Variants in PCDHGB3 observed in about 807,000 individuals in gnomAD.
PCDHGB3 encodes protocadherin gamma-B3.
PCDHGB3 carries 40 observed loss-of-function variants against 59.2 expected under a neutral mutation model. The observed-to-expected ratio is 0.68, with a 90% CI of 0.52 to 0.88. The LOEUF is 0.88. PCDHGB3 is among the 40% of genes least tolerant of loss of function. PCDHGB3 has a pLI of 0.00. For synonymous variants in PCDHGB3, 581 were observed against 503.6 expected (o/e 1.15, Z -2.06); for missense variants, 1,309 against 1,187.9 (o/e 1.10, Z -1.50).
intron 1 of PCDHGB3, chr5:141,393,407 CG>C: frequency 5.0e-6 from 8 of 1,614,056 alleles, no homozygotes; most frequent in Non-Finnish European, 6.8e-6. Context: ...TGCTGGAGCG[CG>C]CCCTGGACAG....
Position 141,486,484 on chromosome 5 carries a change from C to A in PCDHGB3, c.2416-8323C>A. On this transcript the variant is annotated intron_variant, in intron 1 of 3. Transcript: ENST00000576222. This position sits in a 1 kb window ranked among gnomAD's most constrained non-coding sequence, Gnocchi z 5.0. ...ATGCTGGGAACCCTCCTCTCAGTAC[C>A]CACAGAACTATTTTCCTCAATATTT... is the stretch of plus-strand genomic sequence containing the variant. 5 of 1,614,102 alleles carry A rather than the reference C, an allele frequency of 3.1e-6. No homozygotes were observed. Among genetic ancestry groups the A allele is most frequent in the Non-Finnish European group, 4.2e-6 (5 of 1,179,930 alleles).
chr5:141,460,995 A>ATG lies in PCDHGB3; in HGVS notation c.2416-33808_2416-33807dup, dbSNP rs1561986931. Among the ~76,000 whole-genome samples the ATG allele has an allele frequency of 5.3e-5, 8 of 150,188 alleles. No homozygotes were observed. The East Asian group carries it at 1.4e-3, about 26-fold the overall frequency. On this transcript the variant is annotated intron_variant, in intron 1 of 3. Transcript: ENST00000576222. ...TGTGTGTGTGTGTGTATATATATAT[A>ATG]TGTGTATATATATATACCACATTTT...
chr5:141,497,148 A>G (rs1436451953), intron 2 of PCDHGB3, among the ~76,000 whole-genome samples: 1 of 152,122 alleles, frequency 6.6e-6, no homozygotes, highest in Non-Finnish European at 1.5e-5. Context: ...ATCACGAAAA[A>G]AAAATAATCT....
At chr5:141,426,029 A>G (rs576464127) in intron 1 of PCDHGB3, among the ~76,000 whole-genome samples, 13 of 152,216 alleles carry the variant, frequency 8.5e-5, no homozygotes, top group Non-Finnish European at 1.9e-4. Flanking sequence ...AAATAGACTC[A>G]GAGCCCTGCT....
chr5:141,419,741 A>C (rs769795920), intron 1 of PCDHGB3: 2 of 1,613,856 alleles, frequency 1.2e-6, no homozygotes, highest in Admixed American at 1.7e-5. Context: ...CGAGGTGCGC[A>C]TGGTGCGTGC....
At position 141,393,369 on chromosome 5, in the gene PCDHGB3, G is replaced by A. The variant is rs748036677; in HGVS notation, c.2415+20560G>A. 19 of 1,613,962 alleles carry A rather than the reference G, an allele frequency of 1.2e-5. No homozygotes were observed. In the South Asian group the frequency reaches 2.0e-4, roughly 17 times the overall value. Reference sequence around the variant, plus strand: ...CTTCTCCCTGGACGTGCAGACTGGAGACAATGGAGCCATAAACCCAGAGCT... The same window carrying A: ...CTTCTCCCTGGACGTGCAGACTGGAAACAATGGAGCCATAAACCCAGAGCT... On this transcript the variant is annotated intron_variant, in intron 1 of 3. Coordinates refer to ENST00000576222, the MANE Select transcript of PCDHGB3 (RefSeq NM_018924.5).
At chr5:141,423,398 G>T in intron 1 of PCDHGB3, 7 of 1,614,172 alleles carry the variant, frequency 4.3e-6, no homozygotes, top group Non-Finnish European at 5.9e-6. Flanking sequence ...CATAAGTCAC[G>T]CCTGCTGCAG....
rs746903142 is a variant in PCDHGB3, at chr5:141,491,667, G to T, written c.2416-3140G>T. ...TGGCGCTGGAGCCTGACGCCATCCG[G>T]TCCCGCTCTAATACGCTGCGGGAGC... On this transcript the variant is annotated intron_variant, in intron 1 of 3. Coordinates refer to ENST00000576222, the MANE Select transcript of PCDHGB3 (RefSeq NM_018924.5). The surrounding 1 kb of genome is among the most constrained non-coding windows in gnomAD (Gnocchi z 6.9). 1.9e-6 allele frequency: 3 copies of T among 1,613,794 alleles called. No individual in the cohort carries two copies. Among genetic ancestry groups the T allele is most frequent in the Admixed American group, 1.7e-5 (1 of 60,032 alleles).
intron 1 of PCDHGB3, among the ~76,000 whole-genome samples, chr5:141,401,851 T>C (rs902809229): frequency 3.9e-5 from 6 of 152,242 alleles, no homozygotes; most frequent in African/African-American, 1.4e-4. Context: ...CACTTACTTT[T>C]AACCTTTCAG....
At chr5:141,381,342 T>C (rs931867398) in intron 1 of PCDHGB3, among the ~76,000 whole-genome samples, 3 of 152,254 alleles carry the variant, frequency 2.0e-5, no homozygotes, top group Non-Finnish European at 4.4e-5. Context: ...GAGCTTTCTT[T>C]TCTTTCTGCT....
chr5:141,434,092 A>C (rs1333686339), intron 1 of PCDHGB3, among the ~76,000 whole-genome samples: 1 of 152,172 alleles, frequency 6.6e-6, no homozygotes, highest in Non-Finnish European at 1.5e-5. Context: ...TTTGATGCTG[A>C]AATTGTCCCA....
chr5:141,447,824 G>T (rs926580893), intron 1 of PCDHGB3, among the ~76,000 whole-genome samples: 2 of 152,034 alleles, frequency 1.3e-5, no homozygotes, highest in Non-Finnish European at 2.9e-5. Context: ...GGTGGCTCAC[G>T]CCTGTAATCC....
intron 3 of PCDHGB3, among the ~76,000 whole-genome samples, chr5:141,509,620 C>G (rs1321910971): frequency 6.6e-6 from 1 of 152,188 alleles, no homozygotes; most frequent in African/African-American, 2.4e-5. Context: ...TAAACAAGTT[C>G]CTGGGTGATG....
At chr5:141,403,153 C>T (rs2094362720) in intron 1 of PCDHGB3, 2 of 1,614,060 alleles carry the variant, frequency 1.2e-6, no homozygotes, top group Non-Finnish European at 1.7e-6. Flanking sequence ...TCCGCATCGT[C>T]TCTAGAGGTA....
At chr5:141,412,591 A>G (rs2095564760) in intron 1 of PCDHGB3, 1 of 152,214 alleles carries the variant, frequency 6.6e-6, no homozygotes, top group Non-Finnish European at 1.5e-5. Flanking sequence ...ATGAATGTAT[A>G]CTAAATAAAA....
At chr5:141,472,408 G>T (rs780468341) in intron 1 of PCDHGB3, among the ~76,000 whole-genome samples, 1 of 152,064 alleles carries the variant, frequency 6.6e-6, no homozygotes, top group Non-Finnish European at 1.5e-5. Flanking sequence ...AGGCGTGGTG[G>T]CACGCACCTG....
At position 141,370,781 on chromosome 5, in the gene PCDHGB3, C is replaced by T. The variant is rs774285137; in HGVS notation, c.387C>T (p.Asn129=). The T allele has an allele frequency of 9.9e-6, 16 of 1,613,898 alleles. No homozygotes were observed. The highest frequency in any genetic ancestry group is 1.3e-5 in the Non-Finnish European group (15 of 1,179,908). ...TGCTGATCCAGGATATTAACGACAA[C>T]CCACCGACCTTTAGCCAAAATATCA... The part of the protein sequence containing the change: ...VTVLIQDIND[N]PPTFSQNITE... Residue 129 remains asparagine (N), a synonymous_variant, in exon 1 of 4, where the codon AAC becomes AAT. Transcript: ENST00000576222.
intron 1 of PCDHGB3, among the ~76,000 whole-genome samples, chr5:141,402,436 A>G (rs1441746239): frequency 2.6e-5 from 4 of 152,178 alleles, no homozygotes; most frequent in African/African-American, 9.6e-5. Flanking sequence ...GCATCATAAA[A>G]AGGAAATTAT....
At chr5:141,448,808 G>C (rs2098608218) in intron 1 of PCDHGB3, among the ~76,000 whole-genome samples, 2 of 152,080 alleles carry the variant, frequency 1.3e-5, no homozygotes, top group Admixed American at 1.3e-4. Flanking sequence ...AGCCAGGCGT[G>C]ATGGCGGGCG....
Sources: allele counts gnomAD v4.1 joint callset (sites outside exome capture counted in the v4.1 genomes callset), GRCh38; gene constraint gnomAD v4.1.1; non-coding constraint Gnocchi (gnomAD v3.1); transcripts MANE v1.5; gene names NCBI Gene and HGNC (gene_info 2026-07-23, HGNC 2026-07-21).